Variants in ZNRF2 observed in about 807,000 individuals in gnomAD.
ZNRF2 encodes the protein E3 ubiquitin-protein ligase ZNRF2.
ZNRF2 carries 16 observed loss-of-function variants against 20.4 expected under a neutral mutation model. The observed-to-expected ratio is 0.79, with a 90% confidence interval of 0.53 to 1.19. ZNRF2 has a LOEUF of 1.19. ZNRF2 is among the 50% of genes most tolerant of loss of function. ZNRF2 has a pLI of 0.00. For synonymous variants in ZNRF2, 178 were observed against 144.9 expected, an observed-to-expected ratio of 1.23 and a Z score of -1.64; for missense variants, 363 against 332.4, an observed-to-expected ratio of 1.09 and a Z score of -0.72.
intron 2 of ZNRF2, among the ~76,000 whole-genome samples, chr7:30,337,292 G>T (rs1257680622): frequency 6.6e-6 from 1 of 151,926 alleles, no homozygotes; most frequent in Non-Finnish European, 1.5e-5. Flanking sequence ...ATGCTTGTTA[G>T]TAACTGTGAA....
intron 1 of ZNRF2, among the ~76,000 whole-genome samples, chr7:30,315,508 C>T (rs894451169): frequency 1.3e-5 from 2 of 151,964 alleles, no homozygotes; most frequent in Admixed American, 1.3e-4. Context: ...GTTTTCTTAC[C>T]TGTAAAAGGA....
intron 3 of ZNRF2, among the ~76,000 whole-genome samples, chr7:30,356,084 C>T (rs905207321): frequency 1.3e-5 from 2 of 152,124 alleles, no homozygotes; most frequent in African/African-American, 4.8e-5. Flanking sequence ...AATAAATTAT[C>T]TCATGTAAGC....
chr7:30,324,192 G>A (rs1484257756), intron 2 of ZNRF2, among the ~76,000 whole-genome samples: 1 of 151,846 alleles, frequency 6.6e-6, no homozygotes, highest in Non-Finnish European at 1.5e-5. Context: ...GGCACGTCTT[G>A]TGTCCTCTGG....
chr7:30,349,715 T>C (rs1421863125), intron 2 of ZNRF2, among the ~76,000 whole-genome samples: 1 of 152,166 alleles, frequency 6.6e-6, no homozygotes, highest in Non-Finnish European at 1.5e-5. Context: ...GAAAATCAGA[T>C]AAAGATATTA....
intron 1 of ZNRF2, among the ~76,000 whole-genome samples, chr7:30,302,778 A>G (rs538594325): frequency 4.5e-4 from 68 of 152,228 alleles, no homozygotes; most frequent in African/African-American, 1.5e-3. Flanking sequence ...CTCCCATGCT[A>G]CCACTACTAA....
At chr7:30,330,570 T>C (rs1237729472) in intron 2 of ZNRF2, among the ~76,000 whole-genome samples, 1 of 152,162 alleles carries the variant, frequency 6.6e-6, no homozygotes, top group African/African-American at 2.4e-5. Flanking sequence ...CTAACATGTT[T>C]GCAGGAAAGA....
intron 1 of ZNRF2, among the ~76,000 whole-genome samples, chr7:30,295,916 C>G (rs573687186): frequency 6.6e-6 from 1 of 152,334 alleles, no homozygotes; most frequent in Admixed American, 6.5e-5. Flanking sequence ...CTCTTCCCAA[C>G]TGCTCAGATT....
chr7:30,289,334 C>T (rs1484964305), intron 1 of ZNRF2, among the ~76,000 whole-genome samples: 10 of 152,180 alleles, frequency 6.6e-5, no homozygotes, highest in African/African-American at 2.4e-4. Flanking sequence ...ATTTTTAAGG[C>T]AGATGTGAAG....
At chr7:30,339,042 A>G (rs1799757447) in intron 2 of ZNRF2, among the ~76,000 whole-genome samples, 1 of 152,142 alleles carries the variant, frequency 6.6e-6, no homozygotes, top group Non-Finnish European at 1.5e-5. Flanking sequence ...GCTTTCTTTC[A>G]TATGTTTCTT....
In ZNRF2 at chr7:30,349,783, A is replaced by T. The variant is rs115369514; in HGVS notation, c.566-5945A>T. Among the ~76,000 whole-genome samples the T allele has an allele frequency of 6.6e-3, 1,009 of 152,192 alleles. 16 individuals are homozygous for T. Among genetic ancestry groups the T allele is most frequent in the African/African-American group, 0.023 (971 of 41,524 alleles). On this transcript the variant is annotated intron_variant, in intron 2 of 4. Transcript: ENST00000323037. ...TCTCCTAGTGATTGAATAGAAATGA[A>T]CCTGAAATTTTACTTCAAAGTATAC...
chr7:30,323,110 T>A (rs1799500835), intron 1 of ZNRF2, among the ~76,000 whole-genome samples: 1 of 152,188 alleles, frequency 6.6e-6, no homozygotes, highest in Admixed American at 6.5e-5. Context: ...ACCATTAAAG[T>A]AGAAGTCAGG....
At chr7:30,306,715 G>T (rs1336199850) in intron 1 of ZNRF2, among the ~76,000 whole-genome samples, 1 of 152,120 alleles carries the variant, frequency 6.6e-6, no homozygotes, top group Non-Finnish European at 1.5e-5. Context: ...AGTAGTTTAA[G>T]TTGCACATTG....
chr7:30,320,323 A>G (rs77685009), intron 1 of ZNRF2, among the ~76,000 whole-genome samples: 1,771 of 152,326 alleles, frequency 0.012, 17 homozygotes, highest in South Asian at 0.036. Context: ...AAAGATAACT[A>G]TACAGAGAGA....
At chr7:30,298,876 G>A (rs566486316) in intron 1 of ZNRF2, among the ~76,000 whole-genome samples, 1 of 152,254 alleles carries the variant, frequency 6.6e-6, no homozygotes, top group Non-Finnish European at 1.5e-5. Context: ...TGTGCCTGCT[G>A]TAAATCAGTT....
chr7:30,332,064 T>C (rs1244511169), intron 2 of ZNRF2, among the ~76,000 whole-genome samples: 4 of 152,202 alleles, frequency 2.6e-5, no homozygotes, highest in Non-Finnish European at 5.9e-5. Context: ...GTGTTTAAAT[T>C]GTTACAAAGT....
chr7:30,306,223 G>T (rs1446619075), intron 1 of ZNRF2, among the ~76,000 whole-genome samples: 10 of 152,150 alleles, frequency 6.6e-5, no homozygotes, highest in East Asian at 1.9e-4. Flanking sequence ...TAAATGGCGG[G>T]TATAAAGCTA....
intron 2 of ZNRF2, among the ~76,000 whole-genome samples, chr7:30,334,400 T>G (rs1799686225): frequency 1.3e-5 from 2 of 152,136 alleles, no homozygotes; most frequent in South Asian, 4.1e-4. Context: ...CCTATAGCCT[T>G]GTAGTATAGT....
intron 2 of ZNRF2, among the ~76,000 whole-genome samples, chr7:30,332,050 A>G (rs1799642520): frequency 6.6e-6 from 1 of 152,146 alleles, no homozygotes; most frequent in Non-Finnish European, 1.5e-5. Context: ...AGTAGCACCA[A>G]TTTGTGTTTA....
At chr7:30,362,557 G>C in intron 4 of ZNRF2, 101 bp downstream of exon 4, 2 of 576,754 alleles carry the variant, frequency 3.5e-6, no homozygotes, top group Non-Finnish European at 6.0e-6. Context: ...GCATGAGTGT[G>C]TATGTGTATG....
Sources: gnomAD v4.1 joint callset for allele counts (sites outside exome capture counted in the v4.1 genomes callset) on GRCh38, gnomAD v4.1.1 for gene constraint, MANE v1.5 for transcripts, NCBI Gene and HGNC (gene_info 2026-07-23, HGNC 2026-07-21) for gene names.